The following RPL3L variants were observed in gnomAD, a reference collection of about 807,000 sequenced individuals.
RPL3L encodes ribosomal protein L3 like, also known as ribosomal protein uL3-like.
A neutral mutation model predicts 44.5 loss-of-function variants in RPL3L; 44 were observed. The observed-to-expected ratio is 0.99, with a 90% CI of 0.78 to 1.27. The LOEUF (loss-of-function observed/expected upper bound fraction) is 1.27, where lower values mean the gene tolerates loss of function less well. Ranked by LOEUF, RPL3L falls within the 50% of genes most tolerant of loss-of-function variation. The pLI is 0.00. For missense variants in RPL3L, 631 were observed against 569.1 expected (o/e 1.11, Z -1.11); for synonymous variants, 292 against 230.7 (o/e 1.27, Z -2.41).
At position 1,944,802 on chromosome 16, in the gene RPL3L, G is replaced by T. The variant is rs1000252205; in HGVS notation, c.*35C>A. The T allele has an allele frequency of 3.7e-6, 6 of 1,613,422 alleles. No homozygotes were observed. In the African/African-American group the frequency reaches 5.3e-5, roughly 14 times the overall value. ...TTTGTTAGACATTGGGGCAGACAGT[G>T]CGGTGCGCTTCAGGGTTCATCCACC... On this transcript the variant is annotated 3_prime_UTR_variant, in exon 10 of 10. Transcript: ENST00000268661.
In RPL3L at chr16:1,946,745, T is replaced by A. The variant is rs757450097; in HGVS notation, c.850-19A>T. 1 of 1,611,320 alleles carries A rather than the reference T, an allele frequency of 6.2e-7. No individual in the cohort carries two copies. Among genetic ancestry groups the A allele is most frequent in the African/African-American group, 1.3e-5 (1 of 75,066 alleles). On this transcript the variant is annotated intron_variant, in intron 6 of 9. Transcript: ENST00000268661. ...GGAAGATCTGCCAGAAGGGGGCACA[T>A]GCCAGGGGCAGGAAGTGGCCTCTGA...
At chr16:1,952,668 G>A (rs1043952212) in intron 3 of RPL3L, among the ~76,000 whole-genome samples, 9 of 152,094 alleles carry the variant, frequency 5.9e-5, no homozygotes, top group African/African-American at 1.4e-4. Flanking sequence ...GAGCCAGCAC[G>A]CCCAGCCTAC....
At chr16:1,951,255 G>A (rs540765466) in intron 3 of RPL3L, among the ~76,000 whole-genome samples, 138 of 152,316 alleles carry the variant, frequency 9.1e-4, no homozygotes, top group Admixed American at 8.4e-3. Context: ...CAGAGAAGGC[G>A]GCTGGCCAGC....
intron 3 of RPL3L, 121 bp from the exon 4 acceptor site, chr16:1,951,100 A>T (rs1476436098): frequency 6.8e-6 from 9 of 1,320,856 alleles, no homozygotes; most frequent in Non-Finnish European, 9.1e-6. Flanking sequence ...ACCGCCCCCC[A>T]CCCGGAGGCC....
chr16:1,951,392 T>G (rs1002095269), intron 3 of RPL3L, among the ~76,000 whole-genome samples: 1 of 152,104 alleles, frequency 6.6e-6, no homozygotes, highest in African/African-American at 2.4e-5. Flanking sequence ...CTTTCTTTTT[T>G]GTTTTTGGAG....
intron 4 of RPL3L, 43 bp downstream of exon 4, chr16:1,950,801 G>A (rs201917666): frequency 2.8e-5 from 45 of 1,612,470 alleles, no homozygotes; most frequent in Admixed American, 8.4e-5. Flanking sequence ...GTGAGGGAGC[G>A]TGGTCCTAGG....
intron 4 of RPL3L, among the ~76,000 whole-genome samples, chr16:1,948,031 G>A (rs2754182): frequency 0.59 from 84,879 of 144,470 alleles, 24,712 homozygotes; most frequent in East Asian, 0.8. Context: ...TCTGCCTCCC[G>A]GGTTCACGCC....
At chr16:1,945,668 C>A in intron 8 of RPL3L, 50 bp from the exon 9 acceptor site, 1 of 1,611,112 alleles carries the variant, frequency 6.2e-7, no homozygotes. Flanking sequence ...TCCCCCACAC[C>A]CTGCTGTGAA....
At chr16:1,946,773 C>T in intron 6 of RPL3L, 47 bp from the exon 7 acceptor site, 2 of 1,604,712 alleles carry the variant, frequency 1.2e-6, no homozygotes, top group Non-Finnish European at 1.7e-6. Context: ...GCCTCTGAGG[C>T]CAGCAGCCCA....
chr16:1,950,884 T>C lies in RPL3L; in HGVS notation c.461A>G (p.Lys154Arg). ...GACCCGAATGACCTTGCAGTACTTC[T>C]TCATGGCGGCGAAGTCCTTCTGTAG... The part of the protein sequence containing the change: ...KQLQKDFAAM[K>R]KYCKVIRVIV... Residue 154 changes from lysine to arginine, a missense_variant, in exon 4 of 10, where the codon AAG becomes AGG. Transcript: ENST00000268661. 1 of 1,614,112 alleles carries C rather than the reference T, an allele frequency of 6.2e-7. No homozygotes were observed. The highest frequency in any genetic ancestry group is 8.5e-7 in the Non-Finnish European group (1 of 1,179,984).
At position 1,946,625 on chromosome 16, in the gene RPL3L, C is replaced by G. The variant is rs1316140907; in HGVS notation, c.951G>C (p.Leu317=). 1.2e-6 allele frequency: 2 copies of G among 1,612,106 alleles called. No homozygotes were observed. The highest frequency in any genetic ancestry group is 1.7e-6 in the Non-Finnish European group (2 of 1,179,434). The change falls in exon 7 of 10, where the codon CTG becomes CTC. Residue 317 remains leucine (L), a splice_region_variant and synonymous_variant. Coordinates refer to ENST00000268661, the MANE Select transcript of RPL3L (RefSeq NM_005061.3). ...GGCAGTCGCCCCCTCCCAGCCTCAC[C>G]AGCGGTGTGATGGACTTGGCAGTCA... The part of the protein sequence containing the change: ...YDVTAKSITP[L]GGFPHYGEVN...
chr16:1,950,801 G>C (rs201917666), intron 4 of RPL3L, 43 bp downstream of exon 4: 36 of 1,612,470 alleles, frequency 2.2e-5, no homozygotes, highest in Middle Eastern at 1.6e-4. Context: ...GTGAGGGAGC[G>C]TGGTCCTAGG....
At chr16:1,951,208 C>T (rs557932345) in intron 3 of RPL3L, among the ~76,000 whole-genome samples, 1 of 152,318 alleles carries the variant, frequency 6.6e-6, no homozygotes, top group East Asian at 1.9e-4. Flanking sequence ...TCCCTGTTTC[C>T]CGGGGCCTGA....
intron 1 of RPL3L, 54 bp downstream of exon 1, chr16:1,954,575 C>A: frequency 6.6e-7 from 1 of 1,519,344 alleles, no homozygotes. Flanking sequence ...GCTGTCCCAC[C>A]CCCCCAGAGT....
At chr16:1,946,344 C>T (rs369583126) in intron 7 of RPL3L, among the ~76,000 whole-genome samples, 7 of 152,308 alleles carry the variant, frequency 4.6e-5, no homozygotes, top group African/African-American at 1.4e-4. Flanking sequence ...GGATGTGGGA[C>T]GCAGCAGAGA....
At position 1,944,676 on chromosome 16, in the gene RPL3L, CCT is replaced by C. The variant is rs1397831770; in HGVS notation, c.*159_*160del. On this transcript the variant is annotated 3_prime_UTR_variant, in exon 10 of 10. Transcript: ENST00000268661. ...ATTACTCTTTCTCTATTGCAATTCC[CCT>C]GTCTTAATGAATCGGCTTTGTCTAG... 26 of 776,786 alleles carry C rather than the reference CCT, an allele frequency of 3.3e-5. No homozygotes were observed. Among genetic ancestry groups the C allele is most frequent in the Middle Eastern group, 2.9e-4 (1 of 3,432 alleles). The allele number at this position is 776,786 out of a possible 1,614,324, so 48.1% of individuals were successfully genotyped here.
Position 1,947,301 on chromosome 16 carries a change from A to G in RPL3L, c.581T>C (p.Val194Ala). The change falls in exon 5 of 10, where the codon GTG (valine) becomes GCG (alanine). Residue 194 changes from valine (V) to alanine (A), a missense_variant. Transcript: ENST00000268661. ...CTCCAGCCGGGCCTGGGCCCAGGCC[A>G]CCTTCTCGGCCACCGTGCCACCGTT... ...QLNGGTVAEK[V>A]AWAQARLEKQ... 6.2e-7 allele frequency: 1 copy of G among 1,610,262 alleles called. No individual in the cohort carries two copies. The highest frequency in any genetic ancestry group is 8.5e-7 in the Non-Finnish European group (1 of 1,178,546).
intron 6 of RPL3L, 71 bp downstream of exon 6, chr16:1,946,867 A>T: frequency 6.4e-7 from 1 of 1,561,128 alleles, no homozygotes; most frequent in Middle Eastern, 2.3e-4. Context: ...CATGCACCCC[A>T]CCCACTGAGG....
intron 4 of RPL3L, among the ~76,000 whole-genome samples, chr16:1,949,551 CTTGA>C (rs1255872066): frequency 1.5e-5 from 2 of 130,896 alleles, no homozygotes; most frequent in Non-Finnish European, 3.1e-5. Context: ...CCATGTCTGG[CTTGA>C]TTTTTTTTTT....
Sources: allele counts gnomAD v4.1 joint callset (sites outside exome capture counted in the v4.1 genomes callset), GRCh38; gene constraint gnomAD v4.1.1; transcripts MANE v1.5; gene names NCBI Gene and HGNC (gene_info 2026-07-23, HGNC 2026-07-21).